The following TMX3 variants were observed in gnomAD, a reference collection of about 807,000 sequenced individuals.
The protein encoded by TMX3 is thioredoxin related transmembrane protein 3.
In TMX3, 40 loss-of-function variants were observed where a neutral mutation model predicts 64.4. The ratio of observed to expected loss-of-function variants is 0.62; its 90% CI spans 0.48 to 0.81. The LOEUF is 0.81. TMX3 is among the 30% of genes least tolerant of loss of function. The pLI, the probability that TMX3 is intolerant of heterozygous loss-of-function variation, is 0.00. For synonymous variants in TMX3, 189 were observed against 175.7 expected (o/e 1.08, Z -0.60); for missense variants, 497 against 534.5 (o/e 0.93, Z 0.69).
chr18:68,713,249 G>T (rs905863127), intron 2 of TMX3, among the ~76,000 whole-genome samples: 6 of 152,182 alleles, frequency 3.9e-5, no homozygotes, highest in African/African-American at 1.4e-4. Flanking sequence ...AATGCCTCAG[G>T]TGAGGTCCCA....
In TMX3 at chr18:68,682,993, C is replaced by A. The variant is rs906711711; in HGVS notation, c.849-12G>T. ...CAAACTGAAAATCCCTAACCACCAC[C>A]AACCAAAAATAAATAAATAAAAGGA... On this transcript the variant is annotated splice_polypyrimidine_tract_variant and intron_variant, in intron 12 of 15. Coordinates refer to ENST00000299608, the MANE Select transcript of TMX3 (RefSeq NM_019022.5). 6.2e-7 allele frequency: 1 copy of A among 1,606,104 alleles called. No individual in the cohort carries two copies. Among genetic ancestry groups the A allele is most frequent in the East Asian group, 2.3e-5 (1 of 44,386 alleles).
Position 68,683,025 on chromosome 18 carries a change from G to A in TMX3, c.849-44C>T, listed in dbSNP as rs576078649. 13 of 1,560,264 alleles carry A rather than the reference G, an allele frequency of 8.3e-6. No homozygotes were observed. The East Asian group carries it at 2.7e-4, about 33-fold the overall frequency. On this transcript the variant is annotated intron_variant, in intron 12 of 15. Coordinates refer to ENST00000299608, the MANE Select transcript of TMX3 (RefSeq NM_019022.5). Reference sequence around the variant, plus strand: ...AAATAAATAAATAAAAGGAGAGGGGGTGGGGGGAGAGAGAGAGAGAAAGCT... The same window carrying A: ...AAATAAATAAATAAAAGGAGAGGGGATGGGGGGAGAGAGAGAGAGAAAGCT...
intron 4 of TMX3, among the ~76,000 whole-genome samples, chr18:68,703,375 TAAAGA>T (rs1281176485): frequency 6.6e-6 from 1 of 152,070 alleles, no homozygotes; most frequent in Non-Finnish European, 1.5e-5. Flanking sequence ...ACAAATCAAA[TAAAGA>T]AAATACAGTA....
intron 2 of TMX3, among the ~76,000 whole-genome samples, chr18:68,713,067 C>A (rs2031449849): frequency 1.3e-5 from 2 of 151,132 alleles, no homozygotes; most frequent in African/African-American, 4.9e-5. Context: ...CATGAAACAG[C>A]ACCAGGTGAG....
chr18:68,708,075 G>A (rs2030905389), intron 4 of TMX3, among the ~76,000 whole-genome samples: 3 of 149,994 alleles, frequency 2.0e-5, no homozygotes, highest in Admixed American at 6.6e-5. Context: ...ATGTGTATAT[G>A]TGTATATATA....
intron 1 of TMX3, 54 bp from the exon 2 acceptor site, chr18:68,713,954 C>A: frequency 2.3e-6 from 3 of 1,293,928 alleles, no homozygotes; most frequent in South Asian, 1.4e-5. Flanking sequence ...TGGCTCATAC[C>A]GTATAAGCTT....
At chr18:68,710,555 GT>G (rs2031173898) in intron 3 of TMX3, among the ~76,000 whole-genome samples, 3 of 128,756 alleles carry the variant, frequency 2.3e-5, no homozygotes, top group African/African-American at 4.6e-5. Flanking sequence ...TGTCAACATA[GT>G]AGGTGACTTT....
intron 13 of TMX3, 62 bp from the exon 14 acceptor site, chr18:68,681,172 T>C (rs1227696222): frequency 1.5e-6 from 2 of 1,337,952 alleles, no homozygotes; most frequent in East Asian, 2.6e-5. Flanking sequence ...TATTCTGATA[T>C]TCATTTATAT....
At chr18:68,702,634 C>T (rs796716212) in intron 4 of TMX3, among the ~76,000 whole-genome samples, 65 of 152,226 alleles carry the variant, frequency 4.3e-4, no homozygotes, top group African/African-American at 1.6e-3. Flanking sequence ...AAACTATACA[C>T]TAGTATATGA....
chr18:68,703,117 G>A (rs2030286672), intron 4 of TMX3, among the ~76,000 whole-genome samples: 1 of 152,200 alleles, frequency 6.6e-6, no homozygotes, highest in South Asian at 2.1e-4. Context: ...CTGTGGGTAT[G>A]GAGACTGCTT....
At chr18:68,698,818 C>T (rs1882546011) in intron 6 of TMX3, among the ~76,000 whole-genome samples, 1 of 151,524 alleles carries the variant, frequency 6.6e-6, no homozygotes, top group Non-Finnish European at 1.5e-5. Flanking sequence ...AGGTCGAGAC[C>T]ATCCTGGCTA....
chr18:68,711,346 T>C lies in TMX3; in HGVS notation c.141+18A>G, dbSNP rs765672549. On this transcript the variant is annotated intron_variant, in intron 3 of 15. Coordinates refer to ENST00000299608, the MANE Select transcript of TMX3 (RefSeq NM_019022.5). ...ATGGTAGGGGTGGGTAATTAGCATA[T>C]AAAATTTACATACTTACATCTACAA... 6 of 1,571,242 alleles carry C rather than the reference T, an allele frequency of 3.8e-6. No individual in the cohort carries two copies. Among genetic ancestry groups the C allele is most frequent in the East Asian group, 2.3e-5 (1 of 44,114 alleles).
intron 6 of TMX3, 33 bp from the exon 7 acceptor site, chr18:68,698,064 A>G (rs1915286550): frequency 7.1e-7 from 1 of 1,416,326 alleles, no homozygotes; most frequent in African/African-American, 1.4e-5. Context: ...ACAAACTTGA[A>G]TTATAAACTA....
At chr18:68,697,710 G>C in intron 7 of TMX3, 1 of 458,152 alleles carries the variant, frequency 2.2e-6, no homozygotes, top group Non-Finnish European at 3.8e-6. Context: ...AAAATGCTAA[G>C]GCAGGCAACA....
In TMX3 at chr18:68,684,193, T is replaced by C; in HGVS notation, c.845A>G (p.His282Arg). The change falls in exon 12 of 16, where the codon CAT (histidine) becomes CGT (arginine). Residue 282 changes from histidine (H) to arginine (R), a missense_variant. By Grantham distance (29) the His-to-Arg change is conservative (BLOSUM62 0). This residue lies in a region of TMX3 where 360 missense variants were observed against 383.5 expected (regional missense o/e 0.94). Coordinates refer to ENST00000299608, the MANE Select transcript of TMX3 (RefSeq NM_019022.5). ...CTCTCAGAATATAAGCACCTACCTA[T>C]GGAAGAGGTCTCTGTAATCTCTTGC... is the stretch of plus-strand genomic sequence containing the variant. ...EVARDYRDLF[H>R]RDFQFGHMDG... is the part of the protein sequence containing the mutation. The C allele has an allele frequency of 1.2e-6, 2 of 1,608,536 alleles. No homozygotes were observed. The highest frequency in any genetic ancestry group is 8.5e-7 in the Non-Finnish European group (1 of 1,176,572).
At chr18:68,678,737 A>G (rs1290217752) in intron 15 of TMX3, among the ~76,000 whole-genome samples, 2 of 152,120 alleles carry the variant, frequency 1.3e-5, no homozygotes, top group Non-Finnish European at 2.9e-5. Flanking sequence ...TAAAAACAAG[A>G]GAGACGGGTA....
At chr18:68,684,585 A>G (rs1913762168) in intron 10 of TMX3, 100 bp from the exon 11 acceptor site, 1 of 957,742 alleles carries the variant, frequency 1.0e-6, no homozygotes, top group Admixed American at 2.0e-5. Context: ...AAGTATTTCT[A>G]GAATTTAATT....
chr18:68,697,786 G>A, intron 7 of TMX3, 146 bp downstream of exon 7: 1 of 565,014 alleles, frequency 1.8e-6, no homozygotes, highest in Admixed American at 3.4e-5. Context: ...AGAAGGAAGT[G>A]TTTTTATTAT....
At chr18:68,697,837 C>T in intron 7 of TMX3, 95 bp downstream of exon 7, 1 of 713,638 alleles carries the variant, frequency 1.4e-6, no homozygotes, top group East Asian at 2.7e-5. Context: ...CCAGTAAGTG[C>T]AGAGTAATAA....
Sources: gnomAD v4.1 joint callset for allele counts (sites outside exome capture counted in the v4.1 genomes callset) on GRCh38, gnomAD v4.1.1 for gene constraint, gnomAD v4.1.1 regional missense constraint, MANE v1.5 for transcripts, NCBI Gene and HGNC (gene_info 2026-07-23, HGNC 2026-07-21) for gene names.